MGAT5: variants seen among roughly 807,000 people sequenced by gnomAD.
MGAT5 encodes the protein alpha-1,6-mannosylglycoprotein 6-beta-N-acetylglucosaminyltransferase A.
MGAT5 carries 30 observed loss-of-function variants against 94.3 expected under a neutral mutation model. The observed-to-expected ratio is 0.32, with a 90% CI of 0.24 to 0.43. The LOEUF is 0.43. MGAT5 is among the 20% of genes least tolerant of loss of function. The pLI is 1.00. For missense variants in MGAT5, 691 were observed against 905.5 expected (o/e 0.76, Z 3.04); for synonymous variants, 310 against 322.9 (o/e 0.96, Z 0.43).
rs1044242020 is a variant in MGAT5, at chr2:134,424,865, G to A, written c.1794+1946G>A. On this transcript the variant is annotated intron_variant, in intron 13 of 15. Coordinates refer to ENST00000281923, the MANE Select transcript of MGAT5 (RefSeq NM_002410.5). ...TTGATCTCTGCCTCCATTATCCTAT[G>A]GCTTCTCTCTGTATGTATCTCTGTC... 2.6e-5 allele frequency among the ~76,000 whole-genome samples: 4 copies of A among 152,128 alleles called. No homozygotes were observed. The East Asian group carries it at 7.7e-4, about 29-fold the overall frequency.
chr2:134,133,606 C>T (rs1043790302), intron 1 of MGAT5, among the ~76,000 whole-genome samples: 5 of 152,280 alleles, frequency 3.3e-5, no homozygotes, highest in Admixed American at 3.3e-4. Context: ...ATAGGTTATC[C>T]TGTAATCTTA....
In MGAT5 at chr2:134,169,789, G is replaced by A. The variant is rs544336027; in HGVS notation, c.-143+49498G>A. Among the ~76,000 whole-genome samples, 11 of 152,282 alleles carry A rather than the reference G, an allele frequency of 7.2e-5. No individual in the cohort carries two copies. The South Asian group carries it at 2.3e-3, about 32-fold the overall frequency. ...GTTTTGCTGATGGTAGAATTTAAGGGCCTTTTGGTTTCTTGGTGACCAGGT... is the reference window on the plus strand; with the variant it reads ...GTTTTGCTGATGGTAGAATTTAAGGACCTTTTGGTTTCTTGGTGACCAGGT... On this transcript the variant is annotated intron_variant, in intron 1 of 16. Transcript: ENST00000409645.
intron 7 of MGAT5, among the ~76,000 whole-genome samples, chr2:134,342,951 C>G (rs1317556775): frequency 6.6e-6 from 1 of 151,998 alleles, no homozygotes; most frequent in South Asian, 2.1e-4. Flanking sequence ...TACGTGGATG[C>G]TAGAATGTAA....
chr2:134,369,953 TA>T (rs1680683103), intron 10 of MGAT5, among the ~76,000 whole-genome samples: 1 of 152,188 alleles, frequency 6.6e-6, no homozygotes, highest in Admixed American at 6.5e-5. Context: ...AGTTCTAATA[TA>T]TCTGTGGCAT....
intron 11 of MGAT5, among the ~76,000 whole-genome samples, chr2:134,409,509 G>A (rs377537992): frequency 2.6e-5 from 4 of 152,312 alleles, no homozygotes; most frequent in South Asian, 4.1e-4. Context: ...GGCACTTTGT[G>A]CCAATAATGG....
intron 3 of MGAT5, among the ~76,000 whole-genome samples, 195 bp downstream of exon 3, chr2:134,317,800 G>A (rs1687085186): frequency 6.6e-6 from 1 of 152,114 alleles, no homozygotes. Context: ...TGTGGGGTTG[G>A]TCAACAGTGG....
chr2:134,382,857 A>C (rs1166007476), intron 10 of MGAT5, among the ~76,000 whole-genome samples: 1 of 152,240 alleles, frequency 6.6e-6, no homozygotes, highest in Non-Finnish European at 1.5e-5. Flanking sequence ...TCAAATGTTG[A>C]GAGAGTTTAC....
chr2:134,126,584 A>C (rs538212504), intron 1 of MGAT5, among the ~76,000 whole-genome samples: 2 of 152,200 alleles, frequency 1.3e-5, no homozygotes, highest in African/African-American at 4.8e-5. Flanking sequence ...CTTTATTGTT[A>C]CTCTCTTTGG....
intron 10 of MGAT5, among the ~76,000 whole-genome samples, chr2:134,387,332 A>ATATATATATATATATAT: frequency 1.2e-4 from 3 of 24,264 alleles, no homozygotes; most frequent in Admixed American, 7.7e-4. Flanking sequence ...ATATATATAT[A>ATATATATATATATATAT]TTTTTTTTTT....
At chr2:134,250,754 G>A (rs1160697703), upstream of MGAT5, among the ~76,000 whole-genome samples, 4 of 152,134 alleles carry the variant, frequency 2.6e-5, no homozygotes. Flanking sequence ...AATCAGAACT[G>A]TACTCTGAAC....
chr2:134,332,595 A>C (rs1195799754), intron 4 of MGAT5, among the ~76,000 whole-genome samples: 1 of 152,136 alleles, frequency 6.6e-6, no homozygotes, highest in African/African-American at 2.4e-5. Flanking sequence ...AAGGGGATCT[A>C]ATTAAACTAA....
rs1295338868 is a variant in MGAT5 at position 134,203,381 on chromosome 2, A to G, written c.-142-50881A>G. On this transcript the variant is annotated intron_variant, in intron 1 of 16. Transcript: ENST00000409645. ...TTATCCCAGTGCAGTTAGTGGGTCCAAGGATAAGTGGTTTTTCACTTAAGC... is the reference window on the plus strand; with the variant it reads ...TTATCCCAGTGCAGTTAGTGGGTCCGAGGATAAGTGGTTTTTCACTTAAGC... 8.5e-5 allele frequency among the ~76,000 whole-genome samples: 13 copies of G among 152,306 alleles called. No homozygotes were observed. In the South Asian group the frequency reaches 1.4e-3, roughly 17 times the overall value.
At position 134,315,594 on chromosome 2, in the gene MGAT5, T is replaced by C. The variant is rs141798023; in HGVS notation, c.407-1935T>C. Among the ~76,000 whole-genome samples, 1,240 of 152,336 alleles carry C rather than the reference T, an allele frequency of 8.1e-3. 9 individuals carry two copies. The highest frequency in any genetic ancestry group is 0.011 in the Non-Finnish European group (721 of 68,026). Reference sequence around the variant, plus strand: ...ATTTGAAATGCTGCTTTCCCAGATATAGCAAGTAAAAGTTGTGTGGAATTA... The same window carrying C: ...ATTTGAAATGCTGCTTTCCCAGATACAGCAAGTAAAAGTTGTGTGGAATTA... On this transcript the variant is annotated intron_variant, in intron 2 of 15. Coordinates refer to ENST00000281923, the MANE Select transcript of MGAT5 (RefSeq NM_002410.5).
At chr2:134,260,488 A>G (rs1290241157) in intron 1 of MGAT5, among the ~76,000 whole-genome samples, 1 of 152,234 alleles carries the variant, frequency 6.6e-6, no homozygotes, top group East Asian at 1.9e-4. Flanking sequence ...TTGCAGATCC[A>G]GATAACGTTC....
At chr2:134,342,904 T>C (rs761775841) in intron 7 of MGAT5, among the ~76,000 whole-genome samples, 1 of 152,118 alleles carries the variant, frequency 6.6e-6, no homozygotes, top group Non-Finnish European at 1.5e-5. Context: ...TAAAAATAAT[T>C]ACACAAATTC....
At chr2:134,357,023 T>C (rs1020187933) in intron 9 of MGAT5, among the ~76,000 whole-genome samples, 6 of 152,240 alleles carry the variant, frequency 3.9e-5, no homozygotes, top group African/African-American at 1.4e-4. Context: ...CCCTGGAATC[T>C]GAGACATATA....
At chr2:134,151,397 G>A (rs1687166516) in intron 1 of MGAT5, among the ~76,000 whole-genome samples, 1 of 127,608 alleles carries the variant, frequency 7.8e-6, no homozygotes, top group South Asian at 2.7e-4. Flanking sequence ...CACCGCCATG[G>A]GACCTCACTC....
intron 14 of MGAT5, among the ~76,000 whole-genome samples, chr2:134,438,141 T>TG (rs1252144460): frequency 3.3e-5 from 5 of 152,112 alleles, no homozygotes; most frequent in Non-Finnish European, 7.3e-5. Context: ...TAAAAGTACT[T>TG]TAACTTTGTG....
intron 10 of MGAT5, among the ~76,000 whole-genome samples, chr2:134,401,956 C>T (rs1683081878): frequency 6.6e-6 from 1 of 152,200 alleles, no homozygotes; most frequent in Admixed American, 6.5e-5. Flanking sequence ...TGCCTCCGGG[C>T]TTCCCTGCAC....
Sources: gnomAD v4.1 joint callset for allele counts (sites outside exome capture counted in the v4.1 genomes callset) on GRCh38, gnomAD v4.1.1 for gene constraint, MANE v1.5 for transcripts, NCBI Gene and HGNC (gene_info 2026-07-23, HGNC 2026-07-21) for gene names.